Variants in FSD1L observed in about 807,000 individuals in gnomAD.
FSD1L encodes fibronectin type III and SPRY domain containing 1 like, also known as FSD1-like protein.
A neutral mutation model predicts 71.6 loss-of-function variants in FSD1L; 45 were observed. The observed-to-expected ratio is 0.63, with a 90% confidence interval of 0.49 to 0.81. The LOEUF is 0.81. FSD1L is among the 30% of genes least tolerant of loss of function. The pLI is 0.00. For synonymous variants in FSD1L, 197 were observed against 207.2 expected, an observed-to-expected ratio of 0.95 and a Z score of 0.42; for missense variants, 561 against 618.1, an observed-to-expected ratio of 0.91 and a Z score of 0.98.
chr9:105,530,492 C>A (rs1387980690), intron 10 of FSD1L: 2 of 640,060 alleles, frequency 3.1e-6, no homozygotes, highest in African/African-American at 1.8e-5. Flanking sequence ...CCCTTTATTT[C>A]TTTACTACTG....
At chr9:105,478,069 C>G (rs1188074808) in intron 5 of FSD1L, among the ~76,000 whole-genome samples, 1 of 152,066 alleles carries the variant, frequency 6.6e-6, no homozygotes, top group African/African-American at 2.4e-5. Flanking sequence ...ATGGTGAAAC[C>G]CCGTCTCTAA....
intron 10 of FSD1L, among the ~76,000 whole-genome samples, chr9:105,515,478 G>T (rs1362216367): frequency 6.6e-6 from 1 of 152,222 alleles, no homozygotes; most frequent in African/African-American, 2.4e-5. Context: ...TCCAACTGGG[G>T]TACCCGGTTC....
intron 10 of FSD1L, among the ~76,000 whole-genome samples, chr9:105,516,740 A>G (rs1353784239): frequency 6.6e-6 from 1 of 152,240 alleles, no homozygotes; most frequent in African/African-American, 2.4e-5. Context: ...AAAGGCTGAA[A>G]ATTCCAAAAG....
rs1009571351 is a variant in FSD1L, at chr9:105,549,881, G to A, written c.*3398G>A. On this transcript the variant is annotated 3_prime_UTR_variant, in exon 14 of 14. Coordinates refer to ENST00000481272, the MANE Select transcript of FSD1L (RefSeq NM_001145313.3). ...GTTTCTTATGGAAACAATTGGAAAA[G>A]TATATGGAAAATGATTATTTCAAAG... 6.6e-6 allele frequency: 1 copy of A among 151,866 alleles called. No homozygotes were observed. Among genetic ancestry groups the A allele is most frequent in the Non-Finnish European group, 1.5e-5 (1 of 67,854 alleles). 9.4% of individuals were successfully genotyped at this position (151,866 alleles called of 1,614,324 possible).
At chr9:105,442,637 G>A in the FSD1L span, among the ~76,000 whole-genome samples, 8 of 151,958 alleles carry the variant, frequency 5.3e-5, no homozygotes, top group Non-Finnish European at 7.4e-5. Context: ...GCAGTGAGCC[G>A]AGATTGCACC....
intron 4 of FSD1L, among the ~76,000 whole-genome samples, chr9:105,471,382 G>A (rs927863842): frequency 6.6e-6 from 1 of 151,940 alleles, no homozygotes; most frequent in Non-Finnish European, 1.5e-5. Flanking sequence ...TGTTCTTCTG[G>A]CATTGTTAGA....
At chr9:105,522,540 C>T in intron 10 of FSD1L, 2 of 1,613,620 alleles carry the variant, frequency 1.2e-6, no homozygotes, top group Non-Finnish European at 1.7e-6. Context: ...TGCTCAAATA[C>T]TTCCCCGCTC....
At chr9:105,498,398 A>G (rs1282519750) in intron 7 of FSD1L, among the ~76,000 whole-genome samples, 1 of 152,098 alleles carries the variant, frequency 6.6e-6, no homozygotes, top group African/African-American at 2.4e-5. Context: ...ATAGTCTCCT[A>G]CACATCTAGG....
At chr9:105,469,594 T>C (rs1225655763) in intron 4 of FSD1L, among the ~76,000 whole-genome samples, 2 of 152,166 alleles carry the variant, frequency 1.3e-5, no homozygotes, top group African/African-American at 2.4e-5. Flanking sequence ...ATTCAGGTTC[T>C]TTGGCCATCT....
chr9:105,540,208 T>A (rs1836522831), intron 13 of FSD1L, among the ~76,000 whole-genome samples: 1 of 152,184 alleles, frequency 6.6e-6, no homozygotes, highest in South Asian at 2.1e-4. Context: ...TTGGTTTTAA[T>A]TTGCATTTCC....
At chr9:105,529,023 C>T (rs1235639620) in intron 10 of FSD1L, among the ~76,000 whole-genome samples, 1 of 152,182 alleles carries the variant, frequency 6.6e-6, no homozygotes, top group Non-Finnish European at 1.5e-5. Context: ...AAAAAATGCT[C>T]ATCATCACTG....
chr9:105,479,796 C>G (rs967603710), intron 6 of FSD1L, among the ~76,000 whole-genome samples: 1 of 152,186 alleles, frequency 6.6e-6, no homozygotes, highest in Non-Finnish European at 1.5e-5. Context: ...TAAAGCGCTC[C>G]TATTTCACTG....
At position 105,448,117 on chromosome 9, in the gene FSD1L, T is replaced by G; in HGVS notation, c.-104T>G. 1 of 1,256,900 alleles carries G rather than the reference T, an allele frequency of 8.0e-7. No homozygotes were observed. Among genetic ancestry groups the G allele is most frequent in the Non-Finnish European group, 1.1e-6 (1 of 887,854 alleles). The allele number at this position is 1,256,900 out of a possible 1,614,324, so 77.9% of individuals were successfully genotyped here. A position where few individuals can be genotyped will look rare whatever the true frequency, so the allele number is the denominator to read the frequency against. On this transcript the variant is annotated 5_prime_UTR_variant, in exon 1 of 14. Coordinates refer to ENST00000481272, the MANE Select transcript of FSD1L (RefSeq NM_001145313.3). ...GGGGCCGGGCGGTGCCGGTGCGGGCTGGGGCAGTGCAGTGAGTAGCGGTCT... is the reference window on the plus strand; with the variant it reads ...GGGGCCGGGCGGTGCCGGTGCGGGCGGGGGCAGTGCAGTGAGTAGCGGTCT...
Position 105,512,950 on chromosome 9 carries a change from T to G in FSD1L, c.1025+14T>G, listed in dbSNP as rs1834483117. ...GAACAAGGGCAGGTAAGCTAGACCA[T>G]TAAATCTGCCATATGGACAAATGCT... On this transcript the variant is annotated intron_variant, in intron 10 of 13. Coordinates refer to ENST00000481272, the MANE Select transcript of FSD1L (RefSeq NM_001145313.3). 2.0e-6 allele frequency: 3 copies of G among 1,502,694 alleles called. No homozygotes were observed. In the African/African-American group the frequency reaches 4.2e-5, roughly 21 times the overall value. 93.1% of individuals were successfully genotyped at this position (1,502,694 alleles called of 1,614,324 possible). A position where few individuals can be genotyped will look rare whatever the true frequency, so the allele number is the denominator to read the frequency against.
intron 10 of FSD1L, 61 bp downstream of exon 10, chr9:105,512,997 C>G: frequency 7.4e-7 from 1 of 1,347,330 alleles, no homozygotes; most frequent in Non-Finnish European, 9.7e-7. Flanking sequence ...TCTTATTTAA[C>G]AATAACTTTT....
intron 10 of FSD1L, among the ~76,000 whole-genome samples, chr9:105,527,341 G>A (rs933368772): frequency 2.3e-4 from 35 of 151,512 alleles, no homozygotes; most frequent in Admixed American, 4.6e-4. Flanking sequence ...AGAAAAGAAG[G>A]AAAATTTTCT....
chr9:105,500,329 A>T (rs1476515555), intron 7 of FSD1L, among the ~76,000 whole-genome samples: 2 of 152,124 alleles, frequency 1.3e-5, no homozygotes, highest in African/African-American at 4.8e-5. Context: ...TCTTTTGGTG[A>T]GCCTGTGCCT....
At chr9:105,452,749 T>TTTTTC (rs113538503) in intron 1 of FSD1L, among the ~76,000 whole-genome samples, 3,459 of 150,222 alleles carry the variant, frequency 0.023, 172 homozygotes, top group African/African-American at 0.081. Context: ...CTCTCCTCTC[T>TTTTTC]TTTTCTTTTC....
chr9:105,445,361 C>A (rs1829620378), upstream of FSD1L, among the ~76,000 whole-genome samples: 1 of 152,140 alleles, frequency 6.6e-6, no homozygotes, highest in Admixed American at 6.5e-5. Flanking sequence ...GCTGGCTGGG[C>A]TACAGGGAAA....
Sources: allele counts gnomAD v4.1 joint callset (sites outside exome capture counted in the v4.1 genomes callset), GRCh38; gene constraint gnomAD v4.1.1; transcripts MANE v1.5; gene names NCBI Gene and HGNC (gene_info 2026-07-23, HGNC 2026-07-21).